The following MYO15A variants were observed in gnomAD, a reference collection of about 807,000 sequenced individuals.
MYO15A encodes myosin XVA, also known as unconventional myosin-XV.
Under a neutral mutation model 394.6 loss-of-function variants are expected in MYO15A, and 308 were observed. The observed-to-expected ratio is 0.78, with a 90% CI of 0.71 to 0.86. MYO15A has a LOEUF of 0.86. MYO15A is among the 40% of genes least tolerant of loss of function. MYO15A has a pLI of 0.00. For missense variants in MYO15A, 4,606 were observed against 4,799.1 expected (o/e 0.96, Z 1.19); for synonymous variants, 1,957 against 2,003.8 (o/e 0.98, Z 0.62).
At chr17:18,164,964 A>C (rs1056924723) in intron 60 of MYO15A, 1 of 151,826 alleles carries the variant, frequency 6.6e-6, no homozygotes, top group Non-Finnish European at 1.5e-5. Flanking sequence ...ACATGGAGAA[A>C]CCACATCTCC....
chr17:18,133,757 A>C (rs796174607), intron 12 of MYO15A, among the ~76,000 whole-genome samples: 2 of 151,540 alleles, frequency 1.3e-5, no homozygotes, highest in African/African-American at 4.8e-5. Flanking sequence ...CCCAGGCTCA[A>C]GTGATTCTCC....
At chr17:18,170,256 G>A (rs1314593552) in intron 62 of MYO15A, among the ~76,000 whole-genome samples, 4 of 152,058 alleles carry the variant, frequency 2.6e-5, no homozygotes, top group African/African-American at 7.2e-5. Flanking sequence ...AAAACGAATA[G>A]TAAGATGATG....
In MYO15A at chr17:18,121,726, C is replaced by T. The variant is rs565870287; in HGVS notation, c.2926C>T (p.Leu976Phe). The T allele has an allele frequency of 2.6e-4, 419 of 1,601,000 alleles. 6 individuals are homozygous for T. The South Asian group carries it at 4.3e-3, about 16-fold the overall frequency. The change falls in exon 2 of 66, where the codon CTC (leucine) becomes TTC (phenylalanine). Residue 976 changes from leucine to phenylalanine, a missense_variant. Transcript: ENST00000647165. The surrounding 1 kb of genome is among the most constrained non-coding windows in gnomAD (Gnocchi z 5.3). Reference protein sequence around the residue: ...QLLGPVPSPTLQPEDPAADMT... With the variant: ...QLLGPVPSPTFQPEDPAADMT... The stretch of plus-strand genomic sequence containing the variant: ...CCTGGGCCCTGTGCCATCCCCCACC[C>T]TCCAGCCTGAGGATCCAGCTGCTGA...
At chr17:18,129,835 C>A (rs1344578307) in intron 7 of MYO15A, among the ~76,000 whole-genome samples, 1 of 152,206 alleles carries the variant, frequency 6.6e-6, no homozygotes, top group Non-Finnish European at 1.5e-5. Flanking sequence ...GCCATGGTCA[C>A]CCCTGGGCAG....
chr17:18,123,122 G>T (rs1282091038), intron 2 of MYO15A: 3 of 152,472 alleles, frequency 2.0e-5, no homozygotes, highest in African/African-American at 7.2e-5. Context: ...TGGCTGAGGT[G>T]CGTGGTCACC....
rs1273107627 is a variant in MYO15A at position 18,151,831 on chromosome 17, C to T, written c.7788-15C>T. 6.4e-7 allele frequency: 1 copy of T among 1,566,134 alleles called. No individual in the cohort carries two copies. Among genetic ancestry groups the T allele is most frequent in the Non-Finnish European group, 8.7e-7 (1 of 1,154,450 alleles). On this transcript the variant is annotated splice_polypyrimidine_tract_variant and intron_variant, in intron 40 of 65. Transcript: ENST00000647165. Reference sequence around the variant, plus strand: ...GACTCAGTGTCAACCCACCACAGTACTCCAATGCCCACAGGAAGGATGGCG... The same window carrying T: ...GACTCAGTGTCAACCCACCACAGTATTCCAATGCCCACAGGAAGGATGGCG...
Position 18,151,111 on chromosome 17 carries a change from AAC to A in MYO15A, c.7476_7477del (p.Lys2492AsnfsTer75), listed in dbSNP as rs1305675114. 3 of 1,613,854 alleles carry A rather than the reference AAC, an allele frequency of 1.9e-6. No homozygotes were observed. In the Admixed American group the frequency reaches 5.0e-5, roughly 27 times the overall value. On this transcript the variant is annotated frameshift_variant and splice_region_variant, in exon 39 of 66. Transcript: ENST00000647165. LOFTEE classifies it high-confidence loss of function. ...ACCCTCACGTCCTGTTCTCCACAGA[AAC>A]CCCCAGCACCAGAGGCACAGCCGAC...
chr17:18,144,531 G>A lies in MYO15A; in HGVS notation c.6212G>A (p.Arg2071Lys). The change falls in exon 29 of 66, where the codon AGG becomes AAG. Residue 2071 changes from arginine to lysine, a missense_variant. By Grantham distance (26) the Arg-to-Lys change is conservative. Transcript: ENST00000647165. ...PAFGMLTVPL[R>K]TPLTQLPAEH... ...TTTGGGATGCTGACAGTGCCCCTGAGGACACCCCTCACGCAGCTGCCAGCC... is the reference window on the plus strand; with the variant it reads ...TTTGGGATGCTGACAGTGCCCCTGAAGACACCCCTCACGCAGCTGCCAGCC... The A allele has an allele frequency of 6.2e-7, 1 of 1,613,372 alleles. No individual in the cohort carries two copies. Among genetic ancestry groups the A allele is most frequent in the Non-Finnish European group, 8.5e-7 (1 of 1,180,010 alleles).
rs906937561 is a variant in MYO15A, at chr17:18,148,458, G to C, written c.6692-38G>C. On this transcript the variant is annotated intron_variant, in intron 31 of 65. Transcript: ENST00000647165. The surrounding 1 kb of genome is among the most constrained non-coding windows in gnomAD (Gnocchi z 4.8). ...GGGAGGCACAGCCAAACTGGACTCA[G>C]ATGCTCCAACCTGAGCCCGGCACCT... 6.4e-7 allele frequency: 1 copy of C among 1,550,972 alleles called. No individual in the cohort carries two copies. Among genetic ancestry groups the C allele is most frequent in the African/African-American group, 1.4e-5 (1 of 73,144 alleles).
chr17:18,175,259 G>T lies in MYO15A; in HGVS notation c.10491+1338G>T, dbSNP rs181251746. Among the ~76,000 whole-genome samples, 245 of 143,038 alleles carry T rather than the reference G, an allele frequency of 1.7e-3. 1 individual carries two copies. The highest frequency in any genetic ancestry group is 4.7e-4 in the Non-Finnish European group (31 of 65,452). The allele number at this position is 143,038 out of a possible 152,430, so 93.8% of individuals were successfully genotyped here. A position where few individuals can be genotyped will look rare whatever the true frequency, so the allele number is the denominator to read the frequency against. On this transcript the variant is annotated intron_variant, in intron 65 of 65. Transcript: ENST00000647165. ...GTGTGAGCCTGGTCATTCCTTCTTT[G>T]GTTCTTTTCTGGTCTTTCCTCCTCT...
rs762686851 is a variant in MYO15A, at chr17:18,143,979, G to C, written c.6156G>C (p.Lys2052Asn). 6.2e-7 allele frequency: 1 copy of C among 1,613,428 alleles called. No individual in the cohort carries two copies. The highest frequency in any genetic ancestry group is 8.5e-7 in the Non-Finnish European group (1 of 1,179,998). ...ACATCAACAACTATCCTATGGCCAA[G>C]TTTGTCCAGTGCCACTTCAAGGTAA... ...PLDINNYPMAKFVQCHFKEPA... is the reference protein window; with the variant it reads ...PLDINNYPMANFVQCHFKEPA... Residue 2052 changes from lysine to asparagine, a missense_variant, in exon 28 of 66, where the codon AAG becomes AAC. Transcript: ENST00000647165.
chr17:18,148,969 G>A lies in MYO15A; in HGVS notation c.6956+17G>A, dbSNP rs757827725. 3.2e-6 allele frequency: 5 copies of A among 1,572,480 alleles called. No individual in the cohort carries two copies. Among genetic ancestry groups the A allele is most frequent in the Non-Finnish European group, 4.3e-6 (5 of 1,159,266 alleles). ...CCCCAAAGTGTAGGTAGCTATGGGG[G>A]ACCCCCTCACAGATGGCCACTCCCA... is the stretch of plus-strand genomic sequence containing the variant. On this transcript the variant is annotated intron_variant, in intron 33 of 65. Coordinates refer to ENST00000647165, the MANE Select transcript of MYO15A (RefSeq NM_016239.4). The surrounding 1 kb of genome is among the most constrained non-coding windows in gnomAD (Gnocchi z 4.8).
At chr17:18,127,758 G>A (rs984986896) in intron 7 of MYO15A, among the ~76,000 whole-genome samples, 1 of 151,286 alleles carries the variant, frequency 6.6e-6, no homozygotes. Context: ...CTGGGGAGGG[G>A]TAGCGGCAAC....
intron 25 of MYO15A, 106 bp from the exon 26 acceptor site, chr17:18,143,460 C>T: frequency 7.7e-7 from 1 of 1,299,042 alleles, no homozygotes; most frequent in Non-Finnish European, 1.1e-6. Flanking sequence ...GCAAGCTGCC[C>T]CCCTTGCTTG....
chr17:18,121,623 C>A lies in MYO15A; in HGVS notation c.2823C>A (p.Ser941=), dbSNP rs750070326. The change falls in exon 2 of 66, where the codon TCC becomes TCA. Residue 941 remains serine (S), a synonymous_variant. Coordinates refer to ENST00000647165, the MANE Select transcript of MYO15A (RefSeq NM_016239.4). The surrounding 1 kb of genome is among the most constrained non-coding windows in gnomAD (Gnocchi z 5.3). ...TGCCTCCCACCCAACGCCCACCCTC[C>A]CCCTGGCCAGGAGGTGCAGGCAGCC... ...VDMPPTQRPP[S]PWPGGAGSRR... is the part of the protein sequence containing the mutation. 6.2e-7 allele frequency: 1 copy of A among 1,602,740 alleles called. No homozygotes were observed. Among genetic ancestry groups the A allele is most frequent in the Admixed American group, 1.7e-5 (1 of 59,414 alleles).
In MYO15A at chr17:18,121,088, G is replaced by T; in HGVS notation, c.2288G>T (p.Arg763Leu). ...AAFGFPGASP[R>L]ASRRRAWSPL... ...TTCGGCTTCCCCGGGGCCTCTCCAC[G>T]GGCGTCGCGGAGGCGAGCTTGGTCA... Residue 763 changes from arginine to leucine, a missense_variant, in exon 2 of 66, where the codon CGG becomes CTG. Around this residue, in one of 2 missense-constraint regions of MYO15A, gnomAD observed 1,830 missense variants for 1,689.7 expected, o/e 1.08. Coordinates refer to ENST00000647165, the MANE Select transcript of MYO15A (RefSeq NM_016239.4). This position sits in a 1 kb window ranked among gnomAD's most constrained non-coding sequence, Gnocchi z 5.3. 2.7e-6 allele frequency: 4 copies of T among 1,503,492 alleles called. No individual in the cohort carries two copies. The South Asian group carries it at 4.9e-5, about 19-fold the overall frequency. The allele number at this position is 1,503,492 out of a possible 1,614,324, so 93.1% of individuals were successfully genotyped here.
rs1379662809 is a variant in MYO15A at position 18,172,273 on chromosome 17, C to CT, written c.10334dup (p.Ser3446GlnfsTer6). 6.2e-7 allele frequency: 1 copy of CT among 1,614,114 alleles called. No homozygotes were observed. Among genetic ancestry groups the CT allele is most frequent in the Non-Finnish European group, 8.5e-7 (1 of 1,180,050 alleles). On this transcript the variant is annotated frameshift_variant, in exon 64 of 66. Transcript: ENST00000647165. LOFTEE classifies it high-confidence loss of function. ...CATCAACCACAATGGCCTCAACTTT[C>CT]TCAGCACAGAGACTCATGTGAGTGG...
In MYO15A at chr17:18,119,369, T is replaced by TC. The variant is rs1359244955; in HGVS notation, c.574dup (p.Arg192ProfsTer36). The TC allele has an allele frequency of 3.7e-6, 6 of 1,609,266 alleles. No homozygotes were observed. In the Admixed American group the frequency reaches 1.0e-4, roughly 27 times the overall value. ...CGGCCTGGGGGCCGGCTCCGGAGGT[T>TC]CCCCCGCAGCCGCAGCATCTACGCG... is the stretch of plus-strand genomic sequence containing the variant. On this transcript the variant is annotated frameshift_variant, in exon 2 of 66. Transcript: ENST00000647165. LOFTEE classifies it high-confidence loss of function.
Position 18,119,149 on chromosome 17 carries a change from TACGGCCGCCTGC to T in MYO15A, c.350_361del (p.Tyr117_Arg121delinsTrp), listed in dbSNP as rs2045846371. ...GATCCGCTTCCCAGGCCGCCGTGGC[TACGGCCGCCTGC>T]GGCCGCGCGCCCGGTCACTCAGCAA... On this transcript the variant is annotated inframe_deletion, in exon 2 of 66. Transcript: ENST00000647165. 6.2e-7 allele frequency: 1 copy of T among 1,608,162 alleles called. No homozygotes were observed. The highest frequency in any genetic ancestry group is 8.5e-7 in the Non-Finnish European group (1 of 1,176,760).
Sources: allele counts gnomAD v4.1 joint callset (sites outside exome capture counted in the v4.1 genomes callset), GRCh38; gene constraint gnomAD v4.1.1; regional missense constraint gnomAD v4.1.1; non-coding constraint Gnocchi (gnomAD v3.1); transcripts MANE v1.5; gene names NCBI Gene and HGNC (gene_info 2026-07-23, HGNC 2026-07-21).